MAGED1: variants seen among roughly 807,000 people sequenced by gnomAD.
MAGED1 encodes the protein MAGE family member D1, also known as melanoma-associated antigen D1.
In MAGED1, 3 loss-of-function variants were observed where a neutral mutation model predicts 54.1. The ratio of observed to expected loss-of-function variants is 0.06; its 90% CI spans 0.03 to 0.14. The LOEUF is 0.14. Among genes scored for constraint, MAGED1 ranks in the 10% least tolerant of loss-of-function variants. MAGED1 has a pLI of 1.00. For missense variants in MAGED1, 485 were observed against 623.4 expected, an observed-to-expected ratio of 0.78 and a Z score of 2.36; for synonymous variants, 217 against 227.3, an observed-to-expected ratio of 0.95 and a Z score of 0.41.
At chrX:51,880,000 T>A (rs1557362351) in intron 1 of MAGED1, among the ~76,000 whole-genome samples, 1 of 112,585 alleles carries the variant, frequency 8.9e-6, no homozygotes, top group Non-Finnish European at 1.9e-5. Context: ...TTCTTTTGTC[T>A]CACCTTCTGG....
intron 1 of MAGED1, among the ~76,000 whole-genome samples, chrX:51,864,409 A>T (rs1927392354): frequency 9.0e-6 from 1 of 111,484 alleles, no homozygotes; most frequent in South Asian, 3.7e-4. Flanking sequence ...TGCCAGTACC[A>T]TGTTGTTTTG....
intron 1 of MAGED1, among the ~76,000 whole-genome samples, chrX:51,841,918 G>T (rs886894416): frequency 1.1e-4 from 12 of 111,552 alleles, no homozygotes; most frequent in Non-Finnish European, 2.3e-4. Flanking sequence ...TGGCAATGCG[G>T]GCTCTTTTTT....
chrX:51,829,884 A>G (rs1925998399), intron 1 of MAGED1, among the ~76,000 whole-genome samples: 1 of 112,098 alleles, frequency 8.9e-6, no homozygotes, highest in East Asian at 2.8e-4. Flanking sequence ...ATACAATCAC[A>G]TTCAAATGAA....
In MAGED1 at chrX:51,895,581, A is replaced by G. The variant is rs1557364131; in HGVS notation, c.574A>G (p.Thr192Ala). ...KAWNDTTKAPTADTQTQNVNQ... is the reference protein window; with the variant it reads ...KAWNDTTKAPAADTQTQNVNQ... ...TTGGAATGATACCACTAAGGCCCCA[A>G]CAGCTGATACCCAGACCCAGAATGT... The change falls in exon 3 of 13, where the codon ACA becomes GCA. Residue 192 changes from threonine (T) to alanine (A), a missense_variant. By Grantham distance (58) the Thr-to-Ala change is moderately conservative. Coordinates refer to ENST00000326587, the MANE Select transcript of MAGED1 (RefSeq NM_006986.4). 2.5e-6 allele frequency: 3 copies of G among 1,211,860 alleles called. No homozygotes were observed. The highest frequency in any genetic ancestry group is 3.0e-5 in the East Asian group (1 of 33,843).
intron 1 of MAGED1, among the ~76,000 whole-genome samples, chrX:51,882,353 C>T (rs184014105): frequency 4.7e-4 from 52 of 111,182 alleles, no homozygotes; most frequent in African/African-American, 1.6e-3. Flanking sequence ...AAATAAAATA[C>T]TAGAATTGAG....
At chrX:51,849,542 A>G (rs1470135860) in intron 1 of MAGED1, among the ~76,000 whole-genome samples, 3 of 111,590 alleles carry the variant, frequency 2.7e-5, no homozygotes, top group African/African-American at 6.5e-5. Context: ...AGAAAGTTTT[A>G]TAAGTTTTTT....
chrX:51,854,893 G>A (rs1363168914), intron 1 of MAGED1, among the ~76,000 whole-genome samples: 1 of 111,209 alleles, frequency 9.0e-6, no homozygotes, highest in Admixed American at 9.5e-5. Flanking sequence ...TACCGTCTAC[G>A]TTCTTCCCAA....
At chrX:51,837,611 CTTAAG>C (rs782003453) in intron 1 of MAGED1, among the ~76,000 whole-genome samples, 121 of 112,411 alleles carry the variant, frequency 1.1e-3, no homozygotes, top group African/African-American at 3.8e-3. Context: ...CAGTTTAGTG[CTTAAG>C]TTAACTGTCA....
chrX:51,864,189 AGTGTGTGTGTGTGT>A (rs141456748), intron 1 of MAGED1, among the ~76,000 whole-genome samples: 1 of 100,429 alleles, frequency 1.0e-5, no homozygotes, highest in Admixed American at 1.1e-4. Flanking sequence ...AGAGAGAGAG[AGTGTGTGTGTGTGT>A]GTGTGTGTGT....
At chrX:51,818,609 G>A (rs1557356271) in intron 1 of MAGED1, among the ~76,000 whole-genome samples, 1 of 111,992 alleles carries the variant, frequency 8.9e-6, no homozygotes, top group Non-Finnish European at 1.9e-5. Flanking sequence ...GAGCTTATGC[G>A]TTTCATCCTT....
intron 1 of MAGED1, among the ~76,000 whole-genome samples, chrX:51,806,322 A>G (rs1034137507): frequency 9.0e-6 from 1 of 111,682 alleles, no homozygotes; most frequent in African/African-American, 3.3e-5. Context: ...CAGCATCAAG[A>G]TCGGGAAATT....
chrX:51,818,984 C>G (rs963888997), intron 1 of MAGED1, among the ~76,000 whole-genome samples: 6 of 111,841 alleles, frequency 5.4e-5, no homozygotes, highest in Non-Finnish European at 9.4e-5. Flanking sequence ...TGAAGGAATA[C>G]AACAAAACAT....
chrX:51,900,345 G>C (rs1928960593), intron 11 of MAGED1, 49 bp downstream of exon 11: 1 of 1,046,379 alleles, frequency 9.6e-7, no homozygotes, highest in African/African-American at 1.9e-5. Context: ...ATGAAGTATA[G>C]CTGGCTGGGA....
At chrX:51,898,361 G>C (rs782102376) in intron 9 of MAGED1, 34 bp downstream of exon 9, 2 of 1,205,080 alleles carry the variant, frequency 1.7e-6, no homozygotes, top group South Asian at 3.5e-5. Flanking sequence ...TTGCCTGTTT[G>C]TGCCATCCTT....
At chrX:51,823,579 A>G (rs1557356732) in intron 1 of MAGED1, among the ~76,000 whole-genome samples, 1 of 111,525 alleles carries the variant, frequency 9.0e-6, no homozygotes, top group East Asian at 2.8e-4. Context: ...TTGTCGATTT[A>G]ACTAGTCTCT....
Position 51,804,273 on chromosome X carries a change from A to G in MAGED1, c.-37+1156A>G, listed in dbSNP as rs1238087825. On this transcript the variant is annotated intron_variant, in intron 1 of 12. Coordinates refer to the MAGED1 transcript ENST00000375772. ...TCAGGATCTAACGAGGAATTTAACC[A>G]AAGTTCTCTTTGAATAAGCAGTGGA... Among the ~76,000 whole-genome samples the G allele has an allele frequency of 7.1e-5, 8 of 111,890 alleles. 1 individual carries two copies. In the East Asian group the frequency reaches 2.2e-3, roughly 31 times the overall value.
Position 51,817,278 on chromosome X carries a change from A to G in MAGED1, c.-37+14161A>G, listed in dbSNP as rs782555827. 1.2e-4 allele frequency among the ~76,000 whole-genome samples: 13 copies of G among 111,887 alleles called. No individual in the cohort carries two copies. The East Asian group carries it at 3.7e-3, about 32-fold the overall frequency. On this transcript the variant is annotated intron_variant, in intron 1 of 12. Coordinates refer to the MAGED1 transcript ENST00000375772. Reference sequence around the variant, plus strand: ...CATGATACAAGGCCTATTTGGTGAAAGGGTGATTATCCCCATGTCTTCTCC... The same window carrying G: ...CATGATACAAGGCCTATTTGGTGAAGGGGTGATTATCCCCATGTCTTCTCC...
At chrX:51,888,859 G>T (rs1371508381), upstream of MAGED1, among the ~76,000 whole-genome samples, 1 of 112,151 alleles carries the variant, frequency 8.9e-6, no homozygotes, top group African/African-American at 3.2e-5. Flanking sequence ...TGTGAAAAAA[G>T]CCAATCTCAA....
chrX:51,842,972 G>A (rs1926557603), intron 1 of MAGED1, among the ~76,000 whole-genome samples: 2 of 111,221 alleles, frequency 1.8e-5, no homozygotes, highest in South Asian at 7.8e-4. Context: ...TGGGATTATA[G>A]GCATGTGCCA....
Sources: gnomAD v4.1 joint callset for allele counts (sites outside exome capture counted in the v4.1 genomes callset) on GRCh38, gnomAD v4.1.1 for gene constraint, MANE v1.5 for transcripts, NCBI Gene and HGNC (gene_info 2026-07-23, HGNC 2026-07-21) for gene names.